The following MROH1 variants were observed in gnomAD, a reference collection of about 807,000 sequenced individuals.
MROH1 encodes the protein maestro heat-like repeat-containing protein family member 1.
MROH1 carries 117 observed loss-of-function variants against 116.5 expected under a neutral mutation model. That is an observed-to-expected ratio of 1.00 (90% CI 0.86 to 1.17). The LOEUF (loss-of-function observed/expected upper bound fraction) is 1.17, where lower values mean the gene tolerates loss of function less well. MROH1 is among the 50% of genes most tolerant of loss of function. The pLI, the probability that MROH1 is intolerant of heterozygous loss-of-function variation, is 0.00. For missense variants in MROH1, 1,873 were observed against 1,338.5 expected, an observed-to-expected ratio of 1.40 and a Z score of -6.23; for synonymous variants, 921 against 583.9, an observed-to-expected ratio of 1.58 and a Z score of -8.32.
At chr8:144,169,461 T>A (rs1821875947) in intron 4 of MROH1, among the ~76,000 whole-genome samples, 1 of 149,462 alleles carries the variant, frequency 6.7e-6, no homozygotes. Context: ...TATTGTTATT[T>A]TTTTTTTTTG....
intron 14 of MROH1, among the ~76,000 whole-genome samples, chr8:144,225,606 C>T (rs1217432237): frequency 1.3e-5 from 2 of 152,094 alleles, no homozygotes; most frequent in Non-Finnish European, 2.9e-5. Flanking sequence ...GGCTGGAGTG[C>T]AGTGGTGCAA....
chr8:144,199,300 G>A lies in MROH1; in HGVS notation c.1027+100G>A. 4 of 1,228,446 alleles carry A rather than the reference G, an allele frequency of 3.3e-6. No individual in the cohort carries two copies. In the South Asian group the frequency reaches 5.2e-5, roughly 16 times the overall value. 76.1% of individuals were successfully genotyped at this position (1,228,446 alleles called of 1,614,324 possible). A position where few individuals can be genotyped will look rare whatever the true frequency, so the allele number is the denominator to read the frequency against. ...ATGGTGGTGGCTGGGGTACTGGTCG[G>A]GGATGAGGAGGCCCCTGTTTCCACC... On this transcript the variant is annotated intron_variant, in intron 11 of 43. Transcript: ENST00000326134.
At chr8:144,214,478 A>G (rs959919258) in intron 12 of MROH1, 1 of 152,226 alleles carries the variant, frequency 6.6e-6, no homozygotes, top group Non-Finnish European at 1.5e-5. Context: ...TGAGGAGTGA[A>G]TAAAATATTG....
Position 144,179,513 on chromosome 8 carries a change from G to T in MROH1, c.227G>T (p.Arg76Leu), listed in dbSNP as rs369873355. The T allele has an allele frequency of 1.9e-6, 3 of 1,613,438 alleles. No homozygotes were observed. In the African/African-American group the frequency reaches 4.0e-5, roughly 22 times the overall value. The change falls in exon 5 of 44, where the codon CGC becomes CTC. Residue 76 changes from arginine (R) to leucine (L), a missense_variant. Physicochemically the swap from Arg to Leu is moderately radical, Grantham distance 102. Coordinates refer to ENST00000326134, the MANE Select transcript of MROH1 (RefSeq NM_032450.3). The part of the protein sequence containing the change: ...LRAMERVLSS[R>L]ASELDKDTAS... The stretch of plus-strand genomic sequence containing the variant: ...GCCATGGAGAGGGTCCTGAGCAGTC[G>T]CGCCAGTGAGCTGGACAAGGACACA...
Position 144,168,376 on chromosome 8 carries a change from T to A in MROH1, c.104T>A (p.Leu35His). Residue 35 changes from leucine to histidine, a missense_variant, in exon 4 of 44, where the codon CTC becomes CAC. Coordinates refer to ENST00000326134, the MANE Select transcript of MROH1 (RefSeq NM_032450.3). ...CAGGTCTGCAGTGCCCTGTGCTCCC[T>A]CGGGGAGGCGCGGCCGGTGGAGACG... ...QEQVCSALCSLGEARPVETLR... is the reference protein window; with the variant it reads ...QEQVCSALCSHGEARPVETLR... 2 of 1,611,650 alleles carry A rather than the reference T, an allele frequency of 1.2e-6. No homozygotes were observed. The highest frequency in any genetic ancestry group is 1.7e-6 in the Non-Finnish European group (2 of 1,179,678).
chr8:144,154,052 G>T (rs1319478320), intron 1 of MROH1, among the ~76,000 whole-genome samples: 2 of 149,922 alleles, frequency 1.3e-5, no homozygotes. Flanking sequence ...GAGCCAAAGC[G>T]TCCACCCTAT....
intron 3 of MROH1, among the ~76,000 whole-genome samples, chr8:144,167,372 G>T (rs1325047043): frequency 1.4e-5 from 2 of 141,602 alleles, no homozygotes; most frequent in African/African-American, 5.5e-5. Flanking sequence ...GCCAGATGTG[G>T]GGTGGAGTGG....
intron 14 of MROH1, among the ~76,000 whole-genome samples, chr8:144,234,149 A>G (rs1162389435): frequency 6.6e-6 from 1 of 152,098 alleles, no homozygotes; most frequent in African/African-American, 2.4e-5. Flanking sequence ...AGCTGGGACT[A>G]CAGGCGCCTG....
At chr8:144,249,610 T>C (rs1842501667) in intron 32 of MROH1, among the ~76,000 whole-genome samples, 1 of 152,120 alleles carries the variant, frequency 6.6e-6, no homozygotes, top group Non-Finnish European at 1.5e-5. Flanking sequence ...GTGGTGGGCC[T>C]GGGGGTCCCA....
intron 14 of MROH1, among the ~76,000 whole-genome samples, chr8:144,226,475 C>T (rs1314348057): frequency 1.3e-5 from 2 of 151,938 alleles, no homozygotes; most frequent in African/African-American, 4.8e-5. Context: ...TTTTTTGAGA[C>T]GGAGTCTTGC....
At chr8:144,221,920 A>G (rs1836836113) in intron 13 of MROH1, among the ~76,000 whole-genome samples, 1 of 152,172 alleles carries the variant, frequency 6.6e-6, no homozygotes, top group South Asian at 2.1e-4. Context: ...CAGGGAGGGC[A>G]GCATGGGCAG....
rs554182182 is a variant in MROH1 at position 144,212,464 on chromosome 8, A to G, written c.1142-8136A>G. 5.1e-4 allele frequency among the ~76,000 whole-genome samples: 78 copies of G among 152,080 alleles called. No homozygotes were observed. The South Asian group carries it at 5.6e-3, about 11-fold the overall frequency. On this transcript the variant is annotated intron_variant, in intron 12 of 43. Transcript: ENST00000326134. ...ATGGTTACTATTCCTGGGCCTTTTC[A>G]GTAGACAGAGCTAGGAAATATCTCT...
Position 144,226,362 on chromosome 8 carries a change from CTG to C in MROH1, c.1338+3134_1338+3135del, listed in dbSNP as rs1837823500. Reference sequence around the variant, plus strand: ...TGCATCTTCGTCGAAAATCAGGCAACTGTATGGATTCTCTCTAACGCTCCAGC... The same window carrying C: ...TGCATCTTCGTCGAAAATCAGGCAACTATGGATTCTCTCTAACGCTCCAGC... On this transcript the variant is annotated intron_variant, in intron 14 of 43. Coordinates refer to ENST00000326134, the MANE Select transcript of MROH1 (RefSeq NM_032450.3). Among the ~76,000 whole-genome samples the C allele has an allele frequency of 2.0e-5, 3 of 152,334 alleles. No homozygotes were observed. In the South Asian group the frequency reaches 6.2e-4, roughly 32 times the overall value.
chr8:144,206,787 C>A (rs576804352), intron 12 of MROH1, among the ~76,000 whole-genome samples: 1 of 151,066 alleles, frequency 6.6e-6, no homozygotes, highest in South Asian at 2.1e-4. Context: ...AATCCCAGAA[C>A]TTTGCGAGGC....
At chr8:144,200,113 G>A (rs1830772053) in intron 11 of MROH1, among the ~76,000 whole-genome samples, 1 of 152,178 alleles carries the variant, frequency 6.6e-6, no homozygotes, top group Non-Finnish European at 1.5e-5. Context: ...GTCAAGAGGG[G>A]CTACTGATGG....
intron 31 of MROH1, among the ~76,000 whole-genome samples, chr8:144,247,923 C>T (rs1163254261): frequency 1.3e-5 from 2 of 152,368 alleles, no homozygotes; most frequent in East Asian, 3.9e-4. Context: ...TGTCTTGAGA[C>T]CTGGCAGAGG....
intron 7 of MROH1, among the ~76,000 whole-genome samples, chr8:144,184,292 G>A (rs886173983): frequency 3.3e-5 from 5 of 151,982 alleles, no homozygotes; most frequent in South Asian, 2.1e-4. Context: ...GGCTCTGGCC[G>A]GGGGGTGTGG....
At chr8:144,150,099 C>A (rs1002447352) in intron 1 of MROH1, among the ~76,000 whole-genome samples, 9 of 152,276 alleles carry the variant, frequency 5.9e-5, no homozygotes, top group African/African-American at 2.2e-4. Context: ...GCCTCGCACA[C>A]CCCCTCCTAA....
intron 33 of MROH1, among the ~76,000 whole-genome samples, chr8:144,252,993 T>C (rs1464293212): frequency 6.8e-6 from 1 of 147,868 alleles, no homozygotes; most frequent in East Asian, 2.0e-4. Context: ...TATATATATA[T>C]ATATATATGA....
Sources: gnomAD v4.1 joint callset for allele counts (sites outside exome capture counted in the v4.1 genomes callset) on GRCh38, gnomAD v4.1.1 for gene constraint, MANE v1.5 for transcripts, NCBI Gene and HGNC (gene_info 2026-07-23, HGNC 2026-07-21) for gene names.